Variants in SASS6 observed in about 807,000 individuals in gnomAD.
SASS6 encodes the protein spindle assembly abnormal protein 6 homolog.
SASS6 carries 59 observed loss-of-function variants against 94.9 expected under a neutral mutation model. That is an observed-to-expected ratio of 0.62 (90% CI 0.50 to 0.77). The LOEUF is 0.77. Among genes scored for constraint, SASS6 ranks in the 30% least tolerant of loss-of-function variants. The pLI, the probability that SASS6 is intolerant of heterozygous loss-of-function variation, is 0.00. For missense variants in SASS6, 698 were observed against 734.1 expected (o/e 0.95, Z 0.57); for synonymous variants, 264 against 270.0 (o/e 0.98, Z 0.22).
chr1:100,106,986 T>A lies in SASS6; in HGVS notation c.1334A>T (p.Lys445Ile). The change falls in exon 12 of 17, where the codon AAA (lysine) becomes ATA (isoleucine). Residue 445 changes from lysine to isoleucine, a missense_variant. Transcript: ENST00000287482. ...SLRIKEQEVC[K>I]LQEQLEATVK... ...TGTAGCTTCTAATTGTTCTTGTAAT[T>A]TGCATACCTGAAATATATCAATCAT... 1 of 1,361,560 alleles carries A rather than the reference T, an allele frequency of 7.3e-7. No homozygotes were observed. The highest frequency in any genetic ancestry group is 1.0e-6 in the Non-Finnish European group (1 of 955,138). The allele number at this position is 1,361,560 out of a possible 1,614,324, so 84.3% of individuals were successfully genotyped here.
At chr1:100,109,015 A>C (rs1328748595) in intron 8 of SASS6, among the ~76,000 whole-genome samples, 3 of 152,028 alleles carry the variant, frequency 2.0e-5, no homozygotes, top group Non-Finnish European at 4.4e-5. Context: ...ACAATTTGCA[A>C]GTCTTATGAA....
intron 14 of SASS6, among the ~76,000 whole-genome samples, chr1:100,093,074 T>C (rs1366229807): frequency 6.6e-6 from 1 of 152,048 alleles, no homozygotes; most frequent in East Asian, 1.9e-4. Context: ...ACGAAAAGTA[T>C]GTATATTATA....
At chr1:100,113,644 CA>C (rs371881324) in intron 7 of SASS6, among the ~76,000 whole-genome samples, 27 of 129,952 alleles carry the variant, frequency 2.1e-4, no homozygotes, top group East Asian at 2.2e-4. Flanking sequence ...AAAATCAAGC[CA>C]AAAAAAAAAG....
In SASS6 at chr1:100,084,040, TGGG is replaced by T. The variant is rs1179408311; in HGVS notation, c.*1285_*1287del. ...CAGTAGTGTATCTAAATGGGGGAGGTGGGGGAGTATCAACTGCCTAATATTAGT... is the reference window on the plus strand; with the variant it reads ...CAGTAGTGTATCTAAATGGGGGAGGTGGAGTATCAACTGCCTAATATTAGT... On this transcript the variant is annotated 3_prime_UTR_variant, in exon 17 of 17. Coordinates refer to ENST00000287482, the MANE Select transcript of SASS6 (RefSeq NM_194292.3). The T allele has an allele frequency of 2.7e-5, 4 of 150,940 alleles. No homozygotes were observed. Among genetic ancestry groups the T allele is most frequent in the African/African-American group, 9.7e-5 (4 of 41,054 alleles). 9.4% of individuals were successfully genotyped at this position (150,940 alleles called of 1,614,324 possible).
At chr1:100,129,928 A>G (rs1308829464) in intron 1 of SASS6, among the ~76,000 whole-genome samples, 1 of 152,200 alleles carries the variant, frequency 6.6e-6, no homozygotes, top group African/African-American at 2.4e-5. Flanking sequence ...TACTTATATT[A>G]CTTTATGCAT....
In SASS6 at chr1:100,088,239, GT is replaced by G. The variant is rs774077391; in HGVS notation, c.1675-4del. On this transcript the variant is annotated splice_polypyrimidine_tract_variant and splice_region_variant and intron_variant, in intron 14 of 16. Transcript: ENST00000287482. ...GTAAACTGCAAATTAAACTGAACCTGTGAGAAGGAAAAACATCTCATGTAAC... is the reference window on the plus strand; with the variant it reads ...GTAAACTGCAAATTAAACTGAACCTGGAGAAGGAAAAACATCTCATGTAAC... 1 of 1,497,540 alleles carries G rather than the reference GT, an allele frequency of 6.7e-7. No individual in the cohort carries two copies. The highest frequency in any genetic ancestry group is 1.1e-5 in the South Asian group (1 of 88,562). 92.8% of individuals were successfully genotyped at this position (1,497,540 alleles called of 1,614,324 possible). A position where few individuals can be genotyped will look rare whatever the true frequency, so the allele number is the denominator to read the frequency against.
At chr1:100,113,530 A>G (rs1653542130) in intron 7 of SASS6, among the ~76,000 whole-genome samples, 1 of 151,866 alleles carries the variant, frequency 6.6e-6, no homozygotes, top group Non-Finnish European at 1.5e-5. Context: ...CTGAGGCAGG[A>G]GAATGGCGTG....
chr1:100,115,686 G>C (rs180912520), intron 7 of SASS6, among the ~76,000 whole-genome samples: 1 of 152,014 alleles, frequency 6.6e-6, no homozygotes, highest in Admixed American at 6.5e-5. Context: ...AAAATCAGCC[G>C]GTGTGGTGAC....
intron 1 of SASS6, among the ~76,000 whole-genome samples, chr1:100,130,456 G>A (rs1012855429): frequency 3.3e-5 from 5 of 152,150 alleles, no homozygotes; most frequent in Admixed American, 6.5e-5. Flanking sequence ...TGGGGTGAGA[G>A]GATCACTTGA....
intron 5 of SASS6, 50 bp downstream of exon 5, chr1:100,121,328 G>C: frequency 9.3e-7 from 1 of 1,075,166 alleles, no homozygotes; most frequent in Non-Finnish European, 1.3e-6. Flanking sequence ...ATTTATCAAA[G>C]ACCATTGATA....
rs11589705 is a variant in SASS6 at position 100,122,854 on chromosome 1, T to C, written c.206+356A>G. On this transcript the variant is annotated intron_variant, in intron 3 of 16. Transcript: ENST00000287482. ...GCGTGAGCCACCGTGCCTGGCCAAT[T>C]ACTATCTTTAATTATAATTAGCATC... 6.0e-3 allele frequency among the ~76,000 whole-genome samples: 910 copies of C among 152,224 alleles called. 5 individuals are homozygous for C. The highest frequency in any genetic ancestry group is 8.8e-3 in the Non-Finnish European group (601 of 68,016).
At chr1:100,123,019 T>C (rs1425053581) in intron 3 of SASS6, among the ~76,000 whole-genome samples, 191 bp downstream of exon 3, 1 of 152,232 alleles carries the variant, frequency 6.6e-6, no homozygotes. Context: ...ACAGGTGTTT[T>C]AAGCAGAATT....
chr1:100,123,894 G>A (rs1654381931), intron 2 of SASS6, among the ~76,000 whole-genome samples: 1 of 152,100 alleles, frequency 6.6e-6, no homozygotes, highest in Admixed American at 6.5e-5. Context: ...TCACTTTCCA[G>A]GTAGCTACGT....
At chr1:100,131,803 A>C (rs1570717144) in intron 1 of SASS6, among the ~76,000 whole-genome samples, 2 of 152,246 alleles carry the variant, frequency 1.3e-5, no homozygotes. Context: ...ACATTTGTAC[A>C]CCACTTAGTT....
chr1:100,127,355 T>C (rs1342450808), intron 1 of SASS6, among the ~76,000 whole-genome samples: 3 of 152,200 alleles, frequency 2.0e-5, no homozygotes, highest in African/African-American at 7.2e-5. Flanking sequence ...TAAACAGCAA[T>C]TGAGTACTGA....
At chr1:100,110,840 T>C (rs561223813) in intron 7 of SASS6, among the ~76,000 whole-genome samples, 33 of 152,020 alleles carry the variant, frequency 2.2e-4, no homozygotes, top group African/African-American at 7.2e-4. Context: ...AACCTACTTG[T>C]GTATTAAAAA....
In SASS6 at chr1:100,107,882, T is replaced by G; in HGVS notation, c.984A>C (p.Glu328Asp). The change falls in exon 9 of 17, where the codon GAA becomes GAC. Residue 328 changes from glutamate to aspartate, a missense_variant. Physicochemically the swap from Glu to Asp is conservative, Grantham distance 45 (BLOSUM62 2). Transcript: ENST00000287482. ...GCTGGTCCTTATCCTTGATTTCCTG[T>G]TCTAAAACTGCCACTTTTGTTTGTA... ...NQLQTKVAVL[E>D]QEIKDKDQLV... The G allele has an allele frequency of 6.2e-7, 1 of 1,613,028 alleles. No homozygotes were observed. Among genetic ancestry groups the G allele is most frequent in the Middle Eastern group, 1.7e-4 (1 of 6,054 alleles).
At chr1:100,103,481 G>C (rs1445286139) in intron 13 of SASS6, among the ~76,000 whole-genome samples, 2 of 152,172 alleles carry the variant, frequency 1.3e-5, no homozygotes, top group African/African-American at 2.4e-5. Context: ...AACAAGATCA[G>C]TGTTCTTAAA....
intron 10 of SASS6, 34 bp downstream of exon 10, chr1:100,107,594 T>C (rs778545609): frequency 1.3e-6 from 2 of 1,547,926 alleles, no homozygotes; most frequent in East Asian, 4.5e-5. Context: ...TGTAATTTAA[T>C]GAAATACTAG....
Sources: allele counts gnomAD v4.1 joint callset (sites outside exome capture counted in the v4.1 genomes callset), GRCh38; gene constraint gnomAD v4.1.1; transcripts MANE v1.5; gene names NCBI Gene and HGNC (gene_info 2026-07-23, HGNC 2026-07-21).